Variants in USP17L2 observed in about 807,000 individuals in gnomAD.
USP17L2 encodes ubiquitin specific peptidase 17 like family member 2.
USP17L2 carries 29 observed loss-of-function variants against 39.8 expected under a neutral mutation model. That is an observed-to-expected ratio of 0.73 (90% CI 0.54 to 0.99). The LOEUF is 0.99. Ranked by LOEUF, USP17L2 falls within the 50% of genes least tolerant of loss-of-function variation. USP17L2 has a pLI of 0.00. For missense variants in USP17L2, 567 were observed against 647.2 expected, an observed-to-expected ratio of 0.88 and a Z score of 1.35; for synonymous variants, 231 against 252.7, an observed-to-expected ratio of 0.91 and a Z score of 0.81.
In USP17L2 at chr8:12,137,306, G is replaced by A. The variant is rs1164678355; in HGVS notation, c.1455C>T (p.Ser485=). ...MKNHHPEQQS[S]LLNLSSTTRT... is the part of the protein sequence containing the mutation. ...GGGTCGTCGAAGAGAGGTTTAGCAG[G>A]GAGCTTTGCTGTTCAGGATGATGGT... Residue 485 remains serine, a synonymous_variant, in exon 1 of 1, where the codon TCC becomes TCT. Coordinates refer to ENST00000333796, the MANE Select transcript of USP17L2 (RefSeq NM_201402.3). The A allele has an allele frequency of 6.5e-7, 1 of 1,531,272 alleles. No individual in the cohort carries two copies. Among genetic ancestry groups the A allele is most frequent in the South Asian group, 1.2e-5 (1 of 81,310 alleles). The allele number at this position is 1,531,272 out of a possible 1,614,324, so 94.9% of individuals were successfully genotyped here.
In USP17L2 at chr8:12,137,479, C is replaced by T. The variant is rs1161303353; in HGVS notation, c.1282G>A (p.Ala428Thr). ...PELDERLVER[A>T]TQESTLDHWK... ...TGGTCTAAGGTGCTTTCCTGAGTGG[C>T]TCTTTCCACCAAGCGCTCGTCCAAC... The change falls in exon 1 of 1, where the codon GCC becomes ACC. Residue 428 changes from alanine (A) to threonine (T), a missense_variant. Physicochemically the swap from Ala to Thr is moderately conservative, Grantham distance 58. Around this residue, in one of 6 missense-constraint regions of USP17L2, gnomAD observed 304 missense variants for 254.7 expected, o/e 1.19. Transcript: ENST00000333796. 7.8e-6 allele frequency: 12 copies of T among 1,532,546 alleles called. No individual in the cohort carries two copies. The highest frequency in any genetic ancestry group is 8.8e-6 in the Non-Finnish European group (10 of 1,135,100). 94.9% of individuals were successfully genotyped at this position (1,532,546 alleles called of 1,614,324 possible).
At position 12,137,300 on chromosome 8, in the gene USP17L2, T is replaced by C. The variant is rs748488772; in HGVS notation, c.1461A>G (p.Leu487=). The change falls in exon 1 of 1, where the codon CTA becomes CTG. Residue 487 remains leucine (L), a synonymous_variant. Coordinates refer to ENST00000333796, the MANE Select transcript of USP17L2 (RefSeq NM_201402.3). ...CTGTCCGGGTCGTCGAAGAGAGGTT[T>C]AGCAGGGAGCTTTGCTGTTCAGGAT... ...NHHPEQQSSL[L]NLSSTTRTDQ... 9.1e-6 allele frequency: 14 copies of C among 1,531,318 alleles called. No individual in the cohort carries two copies. Among genetic ancestry groups the C allele is most frequent in the Non-Finnish European group, 1.1e-5 (13 of 1,135,270 alleles). The allele number at this position is 1,531,318 out of a possible 1,614,324, so 94.9% of individuals were successfully genotyped here. A position where few individuals can be genotyped will look rare whatever the true frequency, so the allele number is the denominator to read the frequency against.
rs1430691246 is a variant in USP17L2 at position 12,136,607 on chromosome 8, G to C, written c.*561C>G. On this transcript the variant is annotated 3_prime_UTR_variant, in exon 1 of 1. Coordinates refer to ENST00000333796, the MANE Select transcript of USP17L2 (RefSeq NM_201402.3). ...CAAGAGCACAAGTCCCAGGGCGCCT[G>C]AGGTCCATTCAGAAACCAATGTAAA... is the stretch of plus-strand genomic sequence containing the variant. Among the ~76,000 whole-genome samples, 1 of 140,486 alleles carries C rather than the reference G, an allele frequency of 7.1e-6. No homozygotes were observed. Among genetic ancestry groups the C allele is most frequent in the African/African-American group, 2.7e-5 (1 of 37,314 alleles). 92.2% of individuals were successfully genotyped at this position (140,486 alleles called of 152,430 possible).
chr8:12,138,817 A>G lies in USP17L2; in HGVS notation c.-57T>C. 1 of 907,224 alleles carries G rather than the reference A, an allele frequency of 1.1e-6. No individual in the cohort carries two copies. Among genetic ancestry groups the G allele is most frequent in the Non-Finnish European group, 1.7e-6 (1 of 581,440 alleles). The allele number at this position is 907,224 out of a possible 1,614,324, so 56.2% of individuals were successfully genotyped here. On this transcript the variant is annotated 5_prime_UTR_variant, in exon 1 of 1. Coordinates refer to ENST00000333796, the MANE Select transcript of USP17L2 (RefSeq NM_201402.3). The stretch of plus-strand genomic sequence containing the variant: ...TGCTGGGACTGCAGGTTGCAGCAAG[A>G]CGCTATCTCTTCCAAGAGAGTCTTC...
chr8:12,137,872 A>G lies in USP17L2; in HGVS notation c.889T>C (p.Tyr297His). Residue 297 changes from tyrosine to histidine, a missense_variant, in exon 1 of 1, where the codon TAT becomes CAT. Physicochemically the swap from Tyr to His is moderately conservative, Grantham distance 83. Around this residue, in one of 6 missense-constraint regions of USP17L2, gnomAD observed 65 missense variants for 84.8 expected, o/e 0.77. Transcript: ENST00000333796. ...TGNKLAKNVQ[Y>H]PECLDMQPYM... is the part of the protein sequence containing the mutation. ...GGCTGCATGTCAAGGCACTCAGGATATTGCACATTCTTGGCAAGTTTGTTG... is the reference window on the plus strand; with the variant it reads ...GGCTGCATGTCAAGGCACTCAGGATGTTGCACATTCTTGGCAAGTTTGTTG... The G allele has an allele frequency of 5.9e-6, 9 of 1,525,700 alleles. 1 individual carries two copies. Among genetic ancestry groups the G allele is most frequent in the Non-Finnish European group, 8.0e-6 (9 of 1,126,292 alleles). 94.5% of individuals were successfully genotyped at this position (1,525,700 alleles called of 1,614,324 possible). A position where few individuals can be genotyped will look rare whatever the true frequency, so the allele number is the denominator to read the frequency against.
rs759207951 is a variant in USP17L2 at position 12,138,420 on chromosome 8, G to T, written c.341C>A (p.Ser114Tyr). The T allele has an allele frequency of 7.3e-6, 11 of 1,510,774 alleles. No individual in the cohort carries two copies. Among genetic ancestry groups the T allele is most frequent in the Non-Finnish European group, 9.0e-6 (10 of 1,112,420 alleles). 93.6% of individuals were successfully genotyped at this position (1,510,774 alleles called of 1,614,324 possible). ...LANYMLSREH[S>Y]QTCQRPKCCM... is the part of the protein sequence containing the mutation. ...GCACTTGGGACGCTGACATGTTTGA[G>T]AGTGCTCCCGGGACAGCATGTAGTT... Residue 114 changes from serine to tyrosine, a missense_variant, in exon 1 of 1, where the codon TCT becomes TAT. Transcript: ENST00000333796.
the USP17L2 span, chr8:12,137,289 G>T: frequency 1.8e-5 from 28 of 1,531,010 alleles, 4 homozygotes; most frequent in African/African-American, 7.3e-5. Context: ...CCGGGTCGTC[G>T]AAGAGAGGTT....
rs780960345 is a variant in USP17L2, at chr8:12,138,455, C to T, written c.306G>A (p.Pro102=). The part of the protein sequence containing the change: ...NASLQCLTYT[P]PLANYMLSRE... ...GGGACAGCATGTAGTTGGCAAGGGG[C>T]GGTGTGTATGTCAGGCACTGCAGGG... Residue 102 remains proline, a synonymous_variant, in exon 1 of 1, where the codon CCG becomes CCA. Coordinates refer to ENST00000333796, the MANE Select transcript of USP17L2 (RefSeq NM_201402.3). 117 of 1,539,550 alleles carry T rather than the reference C, an allele frequency of 7.6e-5. 15 individuals carry two copies. Among genetic ancestry groups the T allele is most frequent in the South Asian group, 6.0e-4 (50 of 82,706 alleles).
In USP17L2 at chr8:12,137,391, C is replaced by A; in HGVS notation, c.1370G>T (p.Gly457Val). The A allele has an allele frequency of 1.3e-6, 2 of 1,531,860 alleles. No homozygotes were observed. Among genetic ancestry groups the A allele is most frequent in the Non-Finnish European group, 8.8e-7 (1 of 1,135,392 alleles). The allele number at this position is 1,531,860 out of a possible 1,614,324, so 94.9% of individuals were successfully genotyped here. ...KPEFNVRKVEGTLPPNVLVIH... is the reference protein window; with the variant it reads ...KPEFNVRKVEVTLPPNVLVIH... ...CACAAGTACGTTGGGAGGCAGGGTA[C>A]CTTCGACTTTTCTGACGTTGAACTC... The change falls in exon 1 of 1, where the codon GGT (glycine) becomes GTT (valine). Residue 457 changes from glycine (G) to valine (V), a missense_variant. Physicochemically the swap from Gly to Val is moderately radical, Grantham distance 109 (BLOSUM62 -3). Around this residue, in one of 6 missense-constraint regions of USP17L2, gnomAD observed 304 missense variants for 254.7 expected, o/e 1.19. Coordinates refer to ENST00000333796, the MANE Select transcript of USP17L2 (RefSeq NM_201402.3).
rs779447492 is a variant in USP17L2 at position 12,138,042 on chromosome 8, A to G, written c.719T>C (p.Leu240Ser). 1 of 1,364,260 alleles carries G rather than the reference A, an allele frequency of 7.3e-7. No individual in the cohort carries two copies. The highest frequency in any genetic ancestry group is 1.0e-6 in the Non-Finnish European group (1 of 992,494). The allele number at this position is 1,364,260 out of a possible 1,614,324, so 84.5% of individuals were successfully genotyped here. A position where few individuals can be genotyped will look rare whatever the true frequency, so the allele number is the denominator to read the frequency against. ...TCCATTGAGTTCTTCGGGCTTCACC[A>G]ACTGTTCCAAAGCTTGCTTGACACT... Reference protein sequence around the residue: ...AQSVKQALEQLVKPEELNGEN... With the variant: ...AQSVKQALEQSVKPEELNGEN... The change falls in exon 1 of 1, where the codon TTG (leucine) becomes TCG (serine). Residue 240 changes from leucine to serine, a missense_variant. Leu to Ser is a moderately radical substitution (Grantham distance 145, BLOSUM62 -2). Transcript: ENST00000333796.
Position 12,138,233 on chromosome 8 carries a change from G to A in USP17L2, c.528C>T (p.Cys176=), listed in dbSNP as rs569397331. The change falls in exon 1 of 1, where the codon TGC becomes TGT. Residue 176 remains cysteine, a synonymous_variant. Transcript: ENST00000333796. The part of the protein sequence containing the change: ...MFTVDAMKKA[C]LPGHKQVDHH... ...GATCTACCTGCTTGTGGCCGGGAAG[G>A]CATGCCTTTTTCATGGCATCCACAG... 3 of 1,292,692 alleles carry A rather than the reference G, an allele frequency of 2.3e-6. No individual in the cohort carries two copies. The highest frequency in any genetic ancestry group is 2.7e-5 in the South Asian group (2 of 75,110). The allele number at this position is 1,292,692 out of a possible 1,614,324, so 80.1% of individuals were successfully genotyped here.
At position 12,138,358 on chromosome 8, in the gene USP17L2, C is replaced by T. The variant is rs748190868; in HGVS notation, c.403G>A (p.Ala135Thr). The change falls in exon 1 of 1, where the codon GCC becomes ACC. Residue 135 changes from alanine to threonine, a missense_variant. Physicochemically the swap from Ala to Thr is moderately conservative, Grantham distance 58. This residue lies in a region of USP17L2 where 67 missense variants were observed against 122.8 expected (regional missense o/e 0.55). Transcript: ENST00000333796. ...ATGACATGACCAGGACTGTGGAGGG[C>T]CCATGTGATGTGAGCTTGCATAGTA... is the stretch of plus-strand genomic sequence containing the variant. ...LCTMQAHITWALHSPGHVIQP... is the reference protein window; with the variant it reads ...LCTMQAHITWTLHSPGHVIQP... 23 of 1,511,094 alleles carry T rather than the reference C, an allele frequency of 1.5e-5. 5 individuals carry two copies. The South Asian group carries it at 2.8e-4, about 19-fold the overall frequency. The allele number at this position is 1,511,094 out of a possible 1,614,324, so 93.6% of individuals were successfully genotyped here.
In USP17L2 at chr8:12,137,212, C is replaced by T. The variant is rs763347972; in HGVS notation, c.1549G>A (p.Gly517Arg). The T allele has an allele frequency of 1.7e-5, 26 of 1,530,790 alleles. 5 individuals are homozygous for T. The Admixed American group carries it at 3.0e-4, about 18-fold the overall frequency. 94.8% of individuals were successfully genotyped at this position (1,530,790 alleles called of 1,614,324 possible). The change falls in exon 1 of 1, where the codon GGG (glycine) becomes AGG (arginine). Residue 517 changes from glycine (G) to arginine (R), a missense_variant. Around this residue, in one of 6 missense-constraint regions of USP17L2, gnomAD observed 304 missense variants for 254.7 expected, o/e 1.19. Transcript: ENST00000333796. ...GCCCTCTTGCTGTGTTTGTTCTTCCCTTTGGATCTCCTGGTCCTCCCTTGC... is the reference window on the plus strand; with the variant it reads ...GCCCTCTTGCTGTGTTTGTTCTTCCTTTTGGATCTCCTGGTCCTCCCTTGC... The part of the protein sequence containing the change: ...SLQGRTRRSK[G>R]KNKHSKRALL...
chr8:12,138,276 TG>T, the USP17L2 span: 1 of 1,397,122 alleles, frequency 7.2e-7, no homozygotes, highest in Non-Finnish European at 9.8e-7. Context: ...GAGAAATTCA[TG>T]GGCATCTTCC....
chr8:12,137,219 T>C lies in USP17L2; in HGVS notation c.1542A>G (p.Arg514=). Residue 514 remains arginine, a synonymous_variant, in exon 1 of 1, where the codon AGA becomes AGG. Coordinates refer to ENST00000333796, the MANE Select transcript of USP17L2 (RefSeq NM_201402.3). ...TLASLQGRTR[R]SKGKNKHSKR... Reference sequence around the variant, plus strand: ...TGCTGTGTTTGTTCTTCCCTTTGGATCTCCTGGTCCTCCCTTGCAGAGAAG... The same window carrying C: ...TGCTGTGTTTGTTCTTCCCTTTGGACCTCCTGGTCCTCCCTTGCAGAGAAG... 1 of 1,530,774 alleles carries C rather than the reference T, an allele frequency of 6.5e-7. No individual in the cohort carries two copies. The allele number at this position is 1,530,774 out of a possible 1,614,324, so 94.8% of individuals were successfully genotyped here. A position where few individuals can be genotyped will look rare whatever the true frequency, so the allele number is the denominator to read the frequency against.
chr8:12,137,170 A>G lies in USP17L2; in HGVS notation c.1591T>C (p.Ter531ArgextTer78), dbSNP rs1803262206. 6.5e-7 allele frequency: 1 copy of G among 1,530,422 alleles called. No individual in the cohort carries two copies. The highest frequency in any genetic ancestry group is 8.8e-7 in the Non-Finnish European group (1 of 1,135,094). The allele number at this position is 1,530,422 out of a possible 1,614,324, so 94.8% of individuals were successfully genotyped here. Residue 531 changes from the stop codon to arginine (R), a stop_lost, in exon 1 of 1, where the codon TGA (stop) becomes CGA (arginine). Coordinates refer to ENST00000333796, the MANE Select transcript of USP17L2 (RefSeq NM_201402.3). Reference protein sequence around the residue: ...HSKRALLVCQ* With the variant: ...HSKRALLVCQR The stretch of plus-strand genomic sequence containing the variant: ...GTGGGTCGGCACTTCCACTGAGATC[A>G]CTGGCACACAAGCAGAGCCCTCTTG...
At position 12,137,523 on chromosome 8, in the gene USP17L2, G is replaced by C; in HGVS notation, c.1238C>G (p.Pro413Arg). ...GTCCAACTCGGGTGCCTGGAGGCAG[G>C]GGTGGTCTCTCTTGAGCTCTCCTTG... ...ATQGELKRDH[P>R]CLQAPELDER... Residue 413 changes from proline (P) to arginine (R), a missense_variant, in exon 1 of 1, where the codon CCC (proline) becomes CGC (arginine). Around this residue, in one of 6 missense-constraint regions of USP17L2, gnomAD observed 304 missense variants for 254.7 expected, o/e 1.19. Transcript: ENST00000333796. The C allele has an allele frequency of 1.3e-6, 2 of 1,533,134 alleles. No individual in the cohort carries two copies. Among genetic ancestry groups the C allele is most frequent in the Non-Finnish European group, 1.8e-6 (2 of 1,135,252 alleles). 95.0% of individuals were successfully genotyped at this position (1,533,134 alleles called of 1,614,324 possible).
rs1357590741 is a variant in USP17L2, at chr8:12,136,981, A to G, written c.*187T>C. On this transcript the variant is annotated 3_prime_UTR_variant, in exon 1 of 1. Transcript: ENST00000333796. ...TTCCCATGTGTGGGCTCATCCTGAG[A>G]TGCAGCCATCACTATCCAGTTGTCC... Among the ~76,000 whole-genome samples the G allele has an allele frequency of 7.8e-5, 11 of 140,942 alleles. 3 individuals are homozygous for G. Among genetic ancestry groups the G allele is most frequent in the East Asian group, 4.6e-4 (2 of 4,324 alleles). The allele number at this position is 140,942 out of a possible 152,430, so 92.5% of individuals were successfully genotyped here.
In USP17L2 at chr8:12,138,619, G is replaced by C. The variant is rs765134057; in HGVS notation, c.142C>G (p.Arg48Gly). 6.5e-7 allele frequency: 1 copy of C among 1,530,562 alleles called. No homozygotes were observed. 94.8% of individuals were successfully genotyped at this position (1,530,562 alleles called of 1,614,324 possible). A position where few individuals can be genotyped will look rare whatever the true frequency, so the allele number is the denominator to read the frequency against. Residue 48 changes from arginine (R) to glycine (G), a missense_variant, in exon 1 of 1, where the codon CGT becomes GGT. Transcript: ENST00000333796. ...PEKSPLSSEA[R>G]VDLCDDLAPV... is the part of the protein sequence containing the mutation. Reference sequence around the variant, plus strand: ...GCCAAATCATCACAGAGGTCGACACGGGCCTCAGATGAGAGTGGTGACTTC... The same window carrying C: ...GCCAAATCATCACAGAGGTCGACACCGGCCTCAGATGAGAGTGGTGACTTC...
Sources: allele counts gnomAD v4.1 joint callset (sites outside exome capture counted in the v4.1 genomes callset), GRCh38; gene constraint gnomAD v4.1.1; regional missense constraint gnomAD v4.1.1; transcripts MANE v1.5; gene names NCBI Gene and HGNC (gene_info 2026-07-23, HGNC 2026-07-21).